The following TET1 variants were observed in gnomAD, a reference collection of about 807,000 sequenced individuals.
The protein encoded by TET1 is methylcytosine dioxygenase TET1.
In TET1, 13 loss-of-function variants were observed where a neutral mutation model predicts 148.7. The observed-to-expected ratio is 0.09, with a 90% CI of 0.06 to 0.14. The LOEUF is 0.14. TET1 is among the 10% of genes least tolerant of loss of function. The pLI is 1.00. For missense variants in TET1, 2,182 were observed against 2,553.8 expected (o/e 0.85, Z 3.14); for synonymous variants, 907 against 937.2 (o/e 0.97, Z 0.59).
intron 2 of TET1, among the ~76,000 whole-genome samples, chr10:68,578,878 G>A (rs1004405259): frequency 5.3e-5 from 8 of 152,060 alleles, no homozygotes; most frequent in African/African-American, 9.7e-5. Flanking sequence ...TTTGCCGGGC[G>A]TGATAGCTCA....
Position 68,693,889 on chromosome 10 carries a change from C to T in TET1, c.*2075C>T, listed in dbSNP as rs1156341260. 1 of 228,188 alleles carries T rather than the reference C, an allele frequency of 4.4e-6. No individual in the cohort carries two copies. The highest frequency in any genetic ancestry group is 8.6e-6 in the Non-Finnish European group (1 of 115,716). 14.1% of individuals were successfully genotyped at this position (228,188 alleles called of 1,614,324 possible). ...AGTTTTATGGCTCTTTATGCATCCA[C>T]TCATCTACTCATTCTTCGAGTCTAC... On this transcript the variant is annotated 3_prime_UTR_variant, in exon 12 of 12. Coordinates refer to ENST00000373644, the MANE Select transcript of TET1 (RefSeq NM_030625.3).
chr10:68,683,654 C>T (rs140950292), intron 10 of TET1, among the ~76,000 whole-genome samples: 1,626 of 152,276 alleles, frequency 0.011, 33 homozygotes, highest in African/African-American at 0.037. Flanking sequence ...CCTCGTGATC[C>T]GCCCACCTTG....
At chr10:68,576,316 A>T (rs1482665476) in intron 2 of TET1, among the ~76,000 whole-genome samples, 1 of 150,288 alleles carries the variant, frequency 6.7e-6, no homozygotes, top group African/African-American at 2.5e-5. Context: ...GCGCCACTGC[A>T]CTCCAGCAGG....
At chr10:68,596,001 C>T (rs1458293406) in intron 2 of TET1, among the ~76,000 whole-genome samples, 6 of 92,460 alleles carry the variant, frequency 6.5e-5, no homozygotes, top group South Asian at 4.0e-4. Flanking sequence ...CACACACACA[C>T]ACACACACAC....
chr10:68,676,766 A>G (rs1428173121), intron 8 of TET1, among the ~76,000 whole-genome samples: 1 of 152,132 alleles, frequency 6.6e-6, no homozygotes, highest in Non-Finnish European at 1.5e-5. Flanking sequence ...AACTGAATAG[A>G]TATATCAACT....
intron 3 of TET1, among the ~76,000 whole-genome samples, chr10:68,624,654 TTCTTTCTCTC>T (rs1250556446): frequency 1.3e-3 from 78 of 58,420 alleles, no homozygotes; most frequent in Admixed American, 3.1e-3. Context: ...CTTTCTTTCT[TTCTTTCTCTC>T]TCTCTCTCTC....
chr10:68,693,255 A>G lies in TET1; in HGVS notation c.*1441A>G, dbSNP rs2055616321. On this transcript the variant is annotated 3_prime_UTR_variant, in exon 12 of 12. Transcript: ENST00000373644. Reference sequence around the variant, plus strand: ...GGATTACCCAAACAACATGTTTCGAACAAGGAGAATTTTCAATGAAATACT... The same window carrying G: ...GGATTACCCAAACAACATGTTTCGAGCAAGGAGAATTTTCAATGAAATACT... 1 of 232,854 alleles carries G rather than the reference A, an allele frequency of 4.3e-6. No homozygotes were observed. The highest frequency in any genetic ancestry group is 2.2e-5 in the African/African-American group (1 of 45,230). The allele number at this position is 232,854 out of a possible 1,614,324, so 14.4% of individuals were successfully genotyped here. A position where few individuals can be genotyped will look rare whatever the true frequency, so the allele number is the denominator to read the frequency against.
Position 68,691,307 on chromosome 10 carries a change from G to A in TET1, c.5904G>A (p.Glu1968=), listed in dbSNP as rs150437059. Residue 1968 remains glutamate, a synonymous_variant, in exon 12 of 12, where the codon GAG becomes GAA. Transcript: ENST00000373644. The surrounding 1 kb of genome is among the most constrained non-coding windows in gnomAD (Gnocchi z 4.4). ...EEDEQHSEAD[E]PPSDEPLSDD... The stretch of plus-strand genomic sequence containing the variant: ...ATGAGCAGCATTCTGAAGCAGATGA[G>A]CCTCCATCAGACGAACCCCTATCTG... The A allele has an allele frequency of 8.7e-3, 14,116 of 1,614,118 alleles. 79 individuals are homozygous for A. Among genetic ancestry groups the A allele is most frequent in the Admixed American group, 0.017 (1,000 of 60,014 alleles).
intron 2 of TET1, among the ~76,000 whole-genome samples, chr10:68,587,209 C>T (rs2053870947): frequency 1.3e-5 from 2 of 152,110 alleles, no homozygotes; most frequent in South Asian, 2.1e-4. Context: ...CTATACAGCT[C>T]ATTTTCATAT....
chr10:68,659,867 C>T (rs1025051232), intron 6 of TET1, among the ~76,000 whole-genome samples: 6 of 152,118 alleles, frequency 3.9e-5, no homozygotes, highest in African/African-American at 1.4e-4. Context: ...CTTCAGAACC[C>T]CGTTGTGTGA....
At chr10:68,585,021 C>T (rs959949906) in intron 2 of TET1, among the ~76,000 whole-genome samples, 3 of 151,284 alleles carry the variant, frequency 2.0e-5, no homozygotes, top group Non-Finnish European at 2.9e-5. Flanking sequence ...TTGCTTTGTT[C>T]GAGTCAGAGT....
At position 68,636,981 on chromosome 10, in the gene TET1, T is replaced by TGTGTGTGTGTGTGTGTG. The variant is rs61255091; in HGVS notation, c.1969-7717_1969-7716insGTGTGTGTGTGTGTGTG. 3.5e-4 allele frequency among the ~76,000 whole-genome samples: 36 copies of TGTGTGTGTGTGTGTGTG among 102,486 alleles called. No individual in the cohort carries two copies. The East Asian group carries it at 4.7e-3, about 13-fold the overall frequency. The allele number at this position is 102,486 out of a possible 152,430, so 67.2% of individuals were successfully genotyped here. A position where few individuals can be genotyped will look rare whatever the true frequency, so the allele number is the denominator to read the frequency against. ...CTTTTGTTTTCTATTATTTTACTCG[T>TGTGTGTGTGTGTGTGTG]TGTGTGTGTGTGTGTGTGTGTGTGT... is the stretch of plus-strand genomic sequence containing the variant. On this transcript the variant is annotated intron_variant, in intron 3 of 11. Transcript: ENST00000373644.
At chr10:68,684,307 T>A (rs2055479679) in intron 10 of TET1, among the ~76,000 whole-genome samples, 1 of 152,016 alleles carries the variant, frequency 6.6e-6, no homozygotes, top group Admixed American at 6.6e-5. Context: ...ATCAGATCTA[T>A]CAACAGGCAG....
At chr10:68,623,345 A>G (rs1331427483) in intron 3 of TET1, among the ~76,000 whole-genome samples, 3 of 152,210 alleles carry the variant, frequency 2.0e-5, no homozygotes, top group Non-Finnish European at 4.4e-5. Flanking sequence ...TCTATGGGCT[A>G]TAAACTATTA....
chr10:68,570,217 G>C (rs2053652737), intron 1 of TET1, among the ~76,000 whole-genome samples: 1 of 151,788 alleles, frequency 6.6e-6, no homozygotes, highest in African/African-American at 2.4e-5. Context: ...TGATTCTCCT[G>C]CCTCAGCCTC....
intron 3 of TET1, among the ~76,000 whole-genome samples, chr10:68,634,440 T>C (rs2054621086): frequency 6.6e-6 from 1 of 152,234 alleles, no homozygotes; most frequent in Non-Finnish European, 1.5e-5. Flanking sequence ...CTTAAATTCA[T>C]TGTAACTTTA....
At position 68,632,342 on chromosome 10, in the gene TET1, A is replaced by C. The variant is rs1186695780; in HGVS notation, c.1969-12356A>C. The C allele has an allele frequency of 9.6e-6, 15 of 1,567,656 alleles. No individual in the cohort carries two copies. The African/African-American group carries it at 1.9e-4, about 20-fold the overall frequency. On this transcript the variant is annotated intron_variant, in intron 3 of 11. Coordinates refer to ENST00000373644, the MANE Select transcript of TET1 (RefSeq NM_030625.3). The stretch of plus-strand genomic sequence containing the variant: ...CTTTCAAAAAAAAAAGAAAGGGTGC[A>C]GGGCGGGTGGAGTCGCGGAGTAGTC...
At chr10:68,690,647 A>G (rs1304940751) in intron 11 of TET1, among the ~76,000 whole-genome samples, 161 bp from the exon 12 acceptor site, 1 of 152,262 alleles carries the variant, frequency 6.6e-6, no homozygotes, top group African/African-American at 2.4e-5. Context: ...AAAATTTTTA[A>G]TTCGTGTTTG....
intron 2 of TET1, among the ~76,000 whole-genome samples, chr10:68,590,911 A>C (rs1470506835): frequency 6.6e-6 from 1 of 150,832 alleles, no homozygotes; most frequent in Non-Finnish European, 1.5e-5. Context: ...GCTGGAGTGC[A>C]ATGGCACGAT....
Sources: gnomAD v4.1 joint callset for allele counts (sites outside exome capture counted in the v4.1 genomes callset) on GRCh38, gnomAD v4.1.1 for gene constraint, Gnocchi (gnomAD v3.1) non-coding constraint, MANE v1.5 for transcripts, NCBI Gene and HGNC (gene_info 2026-07-23, HGNC 2026-07-21) for gene names.